Variants in NFAT5 observed in about 807,000 individuals in gnomAD.
NFAT5 encodes nuclear factor of activated T cells 5, also known as nuclear factor of activated T-cells 5.
In NFAT5, 31 loss-of-function variants were observed where a neutral mutation model predicts 166.5. That is an observed-to-expected ratio of 0.19 (90% CI 0.14 to 0.25). The LOEUF (loss-of-function observed/expected upper bound fraction) is 0.25, where lower values mean the gene tolerates loss of function less well. NFAT5 is among the 10% of genes least tolerant of loss of function. NFAT5 has a pLI of 1.00. For synonymous variants in NFAT5, 612 were observed against 639.7 expected, an observed-to-expected ratio of 0.96 and a Z score of 0.65; for missense variants, 1,449 against 1,821.8, an observed-to-expected ratio of 0.80 and a Z score of 3.72.
chr16:69,580,776 C>T (rs538676652), intron 2 of NFAT5, among the ~76,000 whole-genome samples: 1 of 152,178 alleles, frequency 6.6e-6, no homozygotes, highest in South Asian at 2.1e-4. Context: ...CGGCCTCAGC[C>T]TCCCGAGTAG....
intron 2 of NFAT5, among the ~76,000 whole-genome samples, chr16:69,614,149 T>G (rs944184255): frequency 6.6e-6 from 1 of 151,984 alleles, no homozygotes; most frequent in African/African-American, 2.4e-5. Flanking sequence ...TTTTCTTCTC[T>G]TTCTCTCTTT....
chr16:69,634,690 A>G (rs2034877596), intron 3 of NFAT5, among the ~76,000 whole-genome samples: 1 of 152,196 alleles, frequency 6.6e-6, no homozygotes, highest in Admixed American at 6.5e-5. Flanking sequence ...CTCTAGATCA[A>G]ACTTACTTAC....
intron 2 of NFAT5, among the ~76,000 whole-genome samples, chr16:69,592,768 T>C (rs1214951023): frequency 6.6e-6 from 1 of 152,208 alleles, no homozygotes; most frequent in African/African-American, 2.4e-5. Flanking sequence ...ACTTGTTTAG[T>C]GTAGAACTAA....
intron 2 of NFAT5, among the ~76,000 whole-genome samples, chr16:69,611,609 G>A (rs2033707120): frequency 6.6e-6 from 1 of 152,228 alleles, no homozygotes; most frequent in Non-Finnish European, 1.5e-5. Flanking sequence ...TGTCTGCTGA[G>A]GGTTTGCTCT....
At chr16:69,572,833 GTTAT>G (rs574120188) in intron 2 of NFAT5, among the ~76,000 whole-genome samples, 7 of 151,980 alleles carry the variant, frequency 4.6e-5, no homozygotes, top group Non-Finnish European at 8.8e-5. Context: ...TATAATCTTT[GTTAT>G]TTATTTATTT....
At position 69,692,516 on chromosome 16, in the gene NFAT5, A is replaced by G. The variant is rs1567613850; in HGVS notation, c.2691A>G (p.Gln897=). 1.2e-6 allele frequency: 2 copies of G among 1,610,164 alleles called. No homozygotes were observed. Among genetic ancestry groups the G allele is most frequent in the African/African-American group, 1.3e-5 (1 of 74,970 alleles). ...HPQSENTLSN[Q]QQQQQQQQQV... is the part of the protein sequence containing the mutation. Reference sequence around the variant, plus strand: ...AGTCTGAAAACACGTTATCTAATCAACAGCAGCAGCAGCAGCAGCAACAGC... The same window carrying G: ...AGTCTGAAAACACGTTATCTAATCAGCAGCAGCAGCAGCAGCAGCAACAGC... The change falls in exon 13 of 15, where the codon CAA becomes CAG. Residue 897 remains glutamine (Q), a synonymous_variant. Coordinates refer to ENST00000349945, the MANE Select transcript of NFAT5 (RefSeq NM_138713.4).
At chr16:69,657,226 G>T (rs1458007059) in intron 6 of NFAT5, among the ~76,000 whole-genome samples, 4 of 151,594 alleles carry the variant, frequency 2.6e-5, no homozygotes, top group East Asian at 2.0e-4. Flanking sequence ...CACCTCCTGG[G>T]TTCAAGCGAT....
At chr16:69,650,137 T>A (rs11075731) in intron 4 of NFAT5, among the ~76,000 whole-genome samples, 3,686 of 152,108 alleles carry the variant, frequency 0.024, 271 homozygotes, top group East Asian at 0.16. Flanking sequence ...ATGAAAATTA[T>A]TTTTTTGACA....
chr16:69,606,191 A>C (rs1241695255), intron 2 of NFAT5, among the ~76,000 whole-genome samples: 1 of 152,174 alleles, frequency 6.6e-6, no homozygotes, highest in Admixed American at 6.5e-5. Context: ...ACCTCTTGCA[A>C]GGTTTCTTCA....
intron 3 of NFAT5, among the ~76,000 whole-genome samples, chr16:69,637,812 A>G (rs1353992544): frequency 1.3e-5 from 2 of 152,238 alleles, no homozygotes; most frequent in Admixed American, 6.5e-5. Context: ...GGATGATGAA[A>G]TCATAGGAAA....
intron 3 of NFAT5, among the ~76,000 whole-genome samples, chr16:69,638,469 C>T (rs11863013): frequency 6.6e-6 from 1 of 152,016 alleles, no homozygotes; most frequent in Non-Finnish European, 1.5e-5. Context: ...CACGGTGGCT[C>T]ACGCCTGTAA....
intron 2 of NFAT5, among the ~76,000 whole-genome samples, chr16:69,592,299 C>T (rs1056080214): frequency 9.9e-5 from 15 of 152,078 alleles, no homozygotes; most frequent in South Asian, 2.1e-4. Context: ...AGGCTGGTCT[C>T]GAACTCATGA....
intron 10 of NFAT5, among the ~76,000 whole-genome samples, chr16:69,677,862 G>A (rs1330791621): frequency 1.3e-5 from 2 of 151,994 alleles, no homozygotes; most frequent in African/African-American, 2.4e-5. Context: ...GGGTTAAAAC[G>A]ATATTTTAGG....
chr16:69,611,235 A>C (rs1212025094), intron 2 of NFAT5, among the ~76,000 whole-genome samples: 1 of 152,198 alleles, frequency 6.6e-6, no homozygotes, highest in East Asian at 1.9e-4. Context: ...ATGGTTATAT[A>C]ATATGGTTAG....
Position 69,688,120 on chromosome 16 carries a change from C to T in NFAT5, c.1775-2820C>T, listed in dbSNP as rs1373404279. Among the ~76,000 whole-genome samples, 9 of 146,950 alleles carry T rather than the reference C, an allele frequency of 6.1e-5. No homozygotes were observed. The East Asian group carries it at 1.4e-3, about 23-fold the overall frequency. On this transcript the variant is annotated intron_variant, in intron 11 of 14. Transcript: ENST00000349945. ...CTGAGGCAGGAGAATGGCGTGAACC[C>T]GGGAAGCGGAGCTTGCAGTGAGCCG...
chr16:69,617,205 G>A (rs891309651), intron 2 of NFAT5, among the ~76,000 whole-genome samples: 4 of 152,074 alleles, frequency 2.6e-5, no homozygotes, highest in African/African-American at 9.7e-5. Flanking sequence ...GCCTCCCAAA[G>A]TGCTGGGATT....
rs762495864 is a variant in NFAT5, at chr16:69,693,243, A to C, written c.3418A>C (p.Thr1140Pro). The change falls in exon 13 of 15, where the codon ACC becomes CCC. Residue 1140 changes from threonine to proline, a missense_variant. Transcript: ENST00000349945. ...GCCTCCAATGTTTCACTCTCAAAGT[A>C]CCATTGCTGTGTTACAGGGCTCTTC... is the stretch of plus-strand genomic sequence containing the variant. ...MQPPMFHSQS[T>P]IAVLQGSSVP... 1 of 1,614,200 alleles carries C rather than the reference A, an allele frequency of 6.2e-7. No individual in the cohort carries two copies. Among genetic ancestry groups the C allele is most frequent in the Non-Finnish European group, 8.5e-7 (1 of 1,180,034 alleles).
intron 3 of NFAT5, 75 bp from the exon 4 acceptor site, chr16:69,646,953 C>T (rs948827694): frequency 4.0e-6 from 5 of 1,252,052 alleles, no homozygotes; most frequent in Non-Finnish European, 5.4e-6. Context: ...TCACAAATCA[C>T]ATTTTCAATG....
intron 4 of NFAT5, among the ~76,000 whole-genome samples, chr16:69,651,752 C>T (rs909779861): frequency 2.7e-5 from 4 of 150,726 alleles, no homozygotes; most frequent in Non-Finnish European, 5.9e-5. Context: ...CTCACTGCAA[C>T]CTGCACCTCC....
Sources: allele counts gnomAD v4.1 joint callset (sites outside exome capture counted in the v4.1 genomes callset), GRCh38; gene constraint gnomAD v4.1.1; transcripts MANE v1.5; gene names NCBI Gene and HGNC (gene_info 2026-07-23, HGNC 2026-07-21).